ZRANB1: variants seen among roughly 807,000 people sequenced by gnomAD.
ZRANB1 encodes ubiquitin thioesterase ZRANB1.
ZRANB1 carries 16 observed loss-of-function variants against 80.5 expected under a neutral mutation model. The observed-to-expected ratio is 0.20, with a 90% CI of 0.13 to 0.30. ZRANB1 has a LOEUF of 0.30. Among genes scored for constraint, ZRANB1 ranks in the 10% least tolerant of loss-of-function variants. The probability of loss-of-function intolerance (pLI) is 1.00; values close to 1 mark genes in which losing one functional copy is unlikely to be tolerated. For missense variants in ZRANB1, 576 were observed against 862.6 expected, an observed-to-expected ratio of 0.67 and a Z score of 4.16; for synonymous variants, 291 against 293.1, an observed-to-expected ratio of 0.99 and a Z score of 0.07.
intron 1 of ZRANB1, among the ~76,000 whole-genome samples, chr10:124,964,165 T>C (rs1258763042): frequency 6.6e-6 from 1 of 152,242 alleles, no homozygotes; most frequent in Non-Finnish European, 1.5e-5. Context: ...ATATCGGCTT[T>C]ATTGAGACAT....
chr10:124,922,748 C>G, the ZRANB1 span, among the ~76,000 whole-genome samples: 6 of 151,918 alleles, frequency 3.9e-5, no homozygotes, highest in African/African-American at 1.5e-4. Flanking sequence ...GCCTCTGCCT[C>G]CCAAAGTGCT....
chr10:124,941,688 T>A (rs1033869175), upstream of ZRANB1, among the ~76,000 whole-genome samples: 1 of 152,164 alleles, frequency 6.6e-6, no homozygotes, highest in African/African-American at 2.4e-5. Context: ...TATTCAAAAT[T>A]TAAAATATTT....
intron 2 of ZRANB1, among the ~76,000 whole-genome samples, chr10:124,970,833 G>GTT (rs34391929): frequency 0.14 from 12,121 of 85,334 alleles, 590 homozygotes; most frequent in Non-Finnish European, 0.18. Flanking sequence ...TCTCTTTGGG[G>GTT]TTTTTTTTTT....
Position 124,964,217 on chromosome 10 carries a change from A to G in ZRANB1, c.815-2377A>G, listed in dbSNP as rs57031978. On this transcript the variant is annotated intron_variant, in intron 1 of 8. Transcript: ENST00000359653. ...CATTTCAACATTGTAAGTTCTGGTT[A>G]TATTTTTAAAAAGCACTTAATGAAA... Among the ~76,000 whole-genome samples, 826 of 152,354 alleles carry G rather than the reference A, an allele frequency of 5.4e-3. 6 individuals carry two copies. Among genetic ancestry groups the G allele is most frequent in the African/African-American group, 0.019 (787 of 41,578 alleles).
the ZRANB1 span, chr10:124,916,998 C>G: frequency 6.6e-6 from 1 of 152,600 alleles, no homozygotes; most frequent in African/African-American, 2.4e-5. Context: ...AGTCTCCGCG[C>G]CTCCTCTCTG....
chr10:124,956,846 G>A (rs1564959793), intron 1 of ZRANB1, among the ~76,000 whole-genome samples: 1 of 152,142 alleles, frequency 6.6e-6, no homozygotes, highest in Non-Finnish European at 1.5e-5. Flanking sequence ...AACACCACAT[G>A]CCTTTGACCT....
rs372081062 is a variant in ZRANB1 at position 124,942,823 on chromosome 10, A to G, written c.330A>G (p.Gln110=). 175 of 1,614,260 alleles carry G rather than the reference A, an allele frequency of 1.1e-4. No homozygotes were observed. The highest frequency in any genetic ancestry group is 9.9e-4 in the Middle Eastern group (6 of 6,062). Residue 110 remains glutamine, a synonymous_variant, in exon 1 of 9, where the codon CAA becomes CAG. Coordinates refer to ENST00000359653, the MANE Select transcript of ZRANB1 (RefSeq NM_017580.3). ...TCAGATGTACCCAGTGCTTATCCCA[A>G]CGTAGGACCAGGAGTCCTACAGAAT... ...RAIRCTQCLS[Q]RRTRSPTESP... is the part of the protein sequence containing the mutation.
Position 124,984,901 on chromosome 10 carries a change from T to C in ZRANB1, c.2036T>C (p.Met679Thr). ...RRRNHPLVTQ[M>T]VEKWLDRYRQ... is the part of the protein sequence containing the mutation. ...CGAAATCACCCCCTGGTCACTCAGA[T>C]GGTAGAAAAATGGCTTGACCGCTAC... Residue 679 changes from methionine to threonine, a missense_variant, in exon 9 of 9, where the codon ATG becomes ACG. Coordinates refer to ENST00000359653, the MANE Select transcript of ZRANB1 (RefSeq NM_017580.3). 4 of 1,613,930 alleles carry C rather than the reference T, an allele frequency of 2.5e-6. No homozygotes were observed. Among genetic ancestry groups the C allele is most frequent in the Non-Finnish European group, 3.4e-6 (4 of 1,179,994 alleles).
At chr10:124,919,538 C>G in the ZRANB1 span, among the ~76,000 whole-genome samples, 2 of 151,450 alleles carry the variant, frequency 1.3e-5, no homozygotes, top group African/African-American at 4.9e-5. Flanking sequence ...CGGAGCAGGA[C>G]TCCATTTCAA....
chr10:124,923,555 G>A, the ZRANB1 span, among the ~76,000 whole-genome samples: 2 of 151,992 alleles, frequency 1.3e-5, no homozygotes, highest in South Asian at 4.1e-4. Context: ...TTGTGCCACT[G>A]CGCTTCAGCC....
Position 124,983,809 on chromosome 10 carries a change from A to G in ZRANB1, c.1908+121A>G. 1 of 721,764 alleles carries G rather than the reference A, an allele frequency of 1.4e-6. No homozygotes were observed. The highest frequency in any genetic ancestry group is 2.3e-6 in the Non-Finnish European group (1 of 441,826). The allele number at this position is 721,764 out of a possible 1,614,324, so 44.7% of individuals were successfully genotyped here. On this transcript the variant is annotated intron_variant, in intron 8 of 8. Transcript: ENST00000359653. The surrounding 1 kb of genome is among the most constrained non-coding windows in gnomAD (Gnocchi z 6.2). ...TTAATTTCTGAATGTGATGGTAGTA[A>G]TTGCTGAAGGTACTAGCTATACTTT...
At chr10:124,970,633 G>A (rs1295368016) in intron 2 of ZRANB1, among the ~76,000 whole-genome samples, 2 of 152,204 alleles carry the variant, frequency 1.3e-5, no homozygotes, top group Admixed American at 6.5e-5. Context: ...TTCTTTAATA[G>A]CAATAGCAGT....
intron 3 of ZRANB1, 138 bp downstream of exon 3, chr10:124,972,256 T>C (rs914040227): frequency 5.2e-6 from 4 of 770,172 alleles, no homozygotes; most frequent in Admixed American, 6.2e-5. Flanking sequence ...GACTGTCTTA[T>C]ATATGCTGGA....
At chr10:124,967,479 G>C (rs1951785925) in intron 2 of ZRANB1, among the ~76,000 whole-genome samples, 1 of 152,188 alleles carries the variant, frequency 6.6e-6, no homozygotes, top group Non-Finnish European at 1.5e-5. Flanking sequence ...GCTGGATTAC[G>C]AAGGATCTTC....
chr10:124,956,984 C>G (rs1008430067), intron 1 of ZRANB1, among the ~76,000 whole-genome samples: 1 of 152,108 alleles, frequency 6.6e-6, no homozygotes. Flanking sequence ...CATGTGTTTC[C>G]TAAGAACAAG....
upstream of ZRANB1, chr10:124,940,511 G>T: frequency 3.1e-6 from 4 of 1,289,180 alleles, no homozygotes; most frequent in Non-Finnish European, 4.0e-6. Context: ...CTAATCATGT[G>T]CAAGGTGGAG....
At position 124,973,674 on chromosome 10, in the gene ZRANB1, G is replaced by C. The variant is rs1384802785; in HGVS notation, c.1186G>C (p.Glu396Gln). Residue 396 changes from glutamate (E) to glutamine (Q), a missense_variant, in exon 4 of 9, where the codon GAA (glutamate) becomes CAA (glutamine). Glu to Gln is a conservative substitution (Grantham distance 29, BLOSUM62 2). Transcript: ENST00000359653. ...TGAAGATTTGCCCCCAACAGTCCAA[G>C]AAAAATTATTTGATGAGGTGCTTGA... ...DIEDLPPTVQ[E>Q]KLFDEVLDRD... 1 of 1,612,658 alleles carries C rather than the reference G, an allele frequency of 6.2e-7. No homozygotes were observed. The highest frequency in any genetic ancestry group is 8.5e-7 in the Non-Finnish European group (1 of 1,179,580).
chr10:124,958,621 A>G (rs1951706071), intron 1 of ZRANB1, among the ~76,000 whole-genome samples: 1 of 152,202 alleles, frequency 6.6e-6, no homozygotes, highest in African/African-American at 2.4e-5. Flanking sequence ...TTTTGAATCA[A>G]CATGTTACCT....
At chr10:124,975,979 T>C (rs1951873294) in intron 5 of ZRANB1, among the ~76,000 whole-genome samples, 1 of 152,154 alleles carries the variant, frequency 6.6e-6, no homozygotes, top group South Asian at 2.1e-4. Flanking sequence ...CACTCCAGCC[T>C]GGGTGACAGA....
Sources: gnomAD v4.1 joint callset for allele counts (sites outside exome capture counted in the v4.1 genomes callset) on GRCh38, gnomAD v4.1.1 for gene constraint, Gnocchi (gnomAD v3.1) non-coding constraint, MANE v1.5 for transcripts, NCBI Gene and HGNC (gene_info 2026-07-23, HGNC 2026-07-21) for gene names.